The following STIMATE variants were observed in gnomAD, a reference collection of about 807,000 sequenced individuals.
STIMATE encodes store-operated calcium entry regulator STIMATE.
In STIMATE, 15 loss-of-function variants were observed where a neutral mutation model predicts 36.7. The observed-to-expected ratio is 0.41, with a 90% CI of 0.27 to 0.63. The LOEUF (loss-of-function observed/expected upper bound fraction) is 0.63, where lower values mean the gene tolerates loss of function less well. STIMATE is among the 20% of genes least tolerant of loss of function. The pLI is 0.32. For missense variants in STIMATE, 305 were observed against 397.3 expected (o/e 0.77, Z 1.98); for synonymous variants, 163 against 162.3 (o/e 1.00, Z -0.03).
At chr3:52,859,532 T>A (rs13078060) in intron 1 of STIMATE, among the ~76,000 whole-genome samples, 29 of 3,702 alleles carry the variant, frequency 7.8e-3, no homozygotes, top group Non-Finnish European at 0.025. Context: ...AAAAAAAAAA[T>A]TTTTTTTTTT....
At position 52,897,520 on chromosome 3, in the gene STIMATE, G is replaced by T; in HGVS notation, c.-70C>A. On this transcript the variant is annotated 5_prime_UTR_variant, in exon 1 of 8. Transcript: ENST00000355083. ...CCTCGCTGCCTGCCGGCGCAGCGCC[G>T]CCAAACCCGCAGCCGGGATCCCAAG... The T allele has an allele frequency of 2.5e-6, 3 of 1,186,162 alleles. No homozygotes were observed. Among genetic ancestry groups the T allele is most frequent in the East Asian group, 3.7e-5 (1 of 26,908 alleles). 73.5% of individuals were successfully genotyped at this position (1,186,162 alleles called of 1,614,324 possible). A position where few individuals can be genotyped will look rare whatever the true frequency, so the allele number is the denominator to read the frequency against.
At chr3:52,852,735 C>A in intron 2 of STIMATE, 37 bp from the exon 3 acceptor site, 2 of 1,608,198 alleles carry the variant, frequency 1.2e-6, no homozygotes, top group Non-Finnish European at 1.7e-6. Flanking sequence ...ATTAGCCTGA[C>A]AGGAGCGCAA....
Position 52,881,126 on chromosome 3 carries a change from G to A in STIMATE, c.160+16165C>T, listed in dbSNP as rs564319845. ...CACTTGAACCCAGGAGGCAGAGATT[G>A]CAGTGAGCCAAAGGTTGCAGTGAGC... is the stretch of plus-strand genomic sequence containing the variant. On this transcript the variant is annotated intron_variant, in intron 1 of 7. Coordinates refer to ENST00000355083, the MANE Select transcript of STIMATE (RefSeq NM_198563.5). Among the ~76,000 whole-genome samples the A allele has an allele frequency of 5.3e-5, 8 of 151,720 alleles. No homozygotes were observed. The East Asian group carries it at 5.9e-4, about 11-fold the overall frequency.
chr3:52,876,836 A>T (rs933922563), intron 1 of STIMATE, among the ~76,000 whole-genome samples: 2 of 152,146 alleles, frequency 1.3e-5, no homozygotes, highest in South Asian at 2.1e-4. Context: ...GTTTTTGGGG[A>T]GTCAGAAGTT....
In STIMATE at chr3:52,842,862, C is replaced by T. The variant is rs760889218; in HGVS notation, c.717G>A (p.Gly239=). 3 of 1,614,154 alleles carry T rather than the reference C, an allele frequency of 1.9e-6. No homozygotes were observed. The highest frequency in any genetic ancestry group is 2.7e-5 in the African/African-American group (2 of 74,948). The part of the protein sequence containing the change: ...ERGANQDSRN[G]SKVRYRRAAS... ...CGGCCCTCCGGTAGCGGACCTTGCT[C>T]CCATTCCTCGAGTCCTGGTTGGCTC... is the stretch of plus-strand genomic sequence containing the variant. The change falls in exon 7 of 8, where the codon GGG becomes GGA. Residue 239 remains glycine (G), a synonymous_variant. Transcript: ENST00000355083.
intron 1 of STIMATE, among the ~76,000 whole-genome samples, chr3:52,891,131 T>C (rs1456533094): frequency 6.6e-6 from 1 of 151,766 alleles, no homozygotes; most frequent in Admixed American, 6.6e-5. Flanking sequence ...ATTGTTCAGA[T>C]AGAAAAAAAA....
In STIMATE at chr3:52,839,969, T is replaced by C. The variant is rs1250853786; in HGVS notation, c.*525A>G. The stretch of plus-strand genomic sequence containing the variant: ...ACACATACCCCCAACCTGGTAACAC[T>C]GTCACAACTCATAAAACCAGCTTCA... On this transcript the variant is annotated 3_prime_UTR_variant, in exon 8 of 8. Transcript: ENST00000355083. The C allele has an allele frequency of 6.6e-6, 1 of 152,636 alleles. No homozygotes were observed. Among genetic ancestry groups the C allele is most frequent in the African/African-American group, 2.4e-5 (1 of 41,452 alleles). The allele number at this position is 152,636 out of a possible 1,614,324, so 9.5% of individuals were successfully genotyped here.
intron 1 of STIMATE, among the ~76,000 whole-genome samples, chr3:52,881,381 G>A (rs758535628): frequency 2.0e-4 from 31 of 152,166 alleles, no homozygotes; most frequent in Non-Finnish European, 3.8e-4. Flanking sequence ...CAGGTTTGCT[G>A]GTATCTGAGC....
At chr3:52,846,527 G>A (rs4687672) in intron 4 of STIMATE, 37,992 of 152,152 alleles carry the variant, frequency 0.25, 5,021 homozygotes, top group Admixed American at 0.38. Context: ...AAGGATGTCC[G>A]CTCGCTCAGT....
chr3:52,896,309 C>A (rs1383631863), intron 1 of STIMATE, among the ~76,000 whole-genome samples: 2 of 152,216 alleles, frequency 1.3e-5, no homozygotes, highest in African/African-American at 2.4e-5. Flanking sequence ...GTTTTGAGAA[C>A]AAGTCATTTT....
chr3:52,849,866 A>G lies in STIMATE; in HGVS notation c.353T>C (p.Ile118Thr). 6.2e-7 allele frequency: 1 copy of G among 1,613,942 alleles called. No homozygotes were observed. The highest frequency in any genetic ancestry group is 8.5e-7 in the Non-Finnish European group (1 of 1,180,022). ...LLDATVGMLL[I>T]YVGVRAVSVL... is the part of the protein sequence containing the mutation. ...GCTGACGGCGCGCACCCCCACGTAGATGAGCAGCATGCCCACAGTGGCGTC... is the reference window on the plus strand; with the variant it reads ...GCTGACGGCGCGCACCCCCACGTAGGTGAGCAGCATGCCCACAGTGGCGTC... The change falls in exon 4 of 8, where the codon ATC becomes ACC. Residue 118 changes from isoleucine (I) to threonine (T), a missense_variant. By Grantham distance (89) the Ile-to-Thr change is moderately conservative. Around this residue, in one of 3 missense-constraint regions of STIMATE, gnomAD observed 164 missense variants for 257.9 expected, o/e 0.64. Transcript: ENST00000355083.
In STIMATE at chr3:52,891,587, T is replaced by C. The variant is rs1324405267; in HGVS notation, c.160+5704A>G. 1.8e-4 allele frequency among the ~76,000 whole-genome samples: 27 copies of C among 152,154 alleles called. 1 individual carries two copies. Reference sequence around the variant, plus strand: ...CAAGAAAGATTAGGTCAAGGAAGATTATTTTGGCCACGAAAGCCACCTTGT... The same window carrying C: ...CAAGAAAGATTAGGTCAAGGAAGATCATTTTGGCCACGAAAGCCACCTTGT... On this transcript the variant is annotated intron_variant, in intron 1 of 7. Transcript: ENST00000355083.
intron 1 of STIMATE, among the ~76,000 whole-genome samples, chr3:52,893,099 G>C (rs1379890435): frequency 4.0e-5 from 6 of 151,280 alleles, no homozygotes; most frequent in Non-Finnish European, 8.8e-5. Flanking sequence ...TTCTAGAAAC[G>C]AAAGTGACTG....
intron 4 of STIMATE, chr3:52,847,657 G>T (rs1559489822): frequency 1.1e-6 from 1 of 884,964 alleles, no homozygotes; most frequent in Non-Finnish European, 1.6e-6. Context: ...GATAACAGGT[G>T]TGGGAGGTGG....
chr3:52,871,441 G>A (rs1238160054), intron 1 of STIMATE, among the ~76,000 whole-genome samples: 11 of 152,182 alleles, frequency 7.2e-5, no homozygotes, highest in Admixed American at 6.5e-4. Context: ...ATCTTAGTGG[G>A]AGTTAGCCAG....
At chr3:52,874,520 A>G (rs528639974) in intron 1 of STIMATE, among the ~76,000 whole-genome samples, 7 of 152,334 alleles carry the variant, frequency 4.6e-5, no homozygotes, top group African/African-American at 1.7e-4. Flanking sequence ...ATGTCTTTTC[A>G]TAATGTTTTA....
At chr3:52,892,415 C>A (rs1336734502) in intron 1 of STIMATE, among the ~76,000 whole-genome samples, 1 of 152,188 alleles carries the variant, frequency 6.6e-6, no homozygotes, top group Non-Finnish European at 1.5e-5. Context: ...AAAATGAAAG[C>A]TCTGAGCCAG....
intron 2 of STIMATE, 40 bp from the exon 3 acceptor site, chr3:52,852,738 G>C: frequency 6.2e-7 from 1 of 1,606,478 alleles, no homozygotes; most frequent in Non-Finnish European, 8.5e-7. Context: ...AGCCTGACAG[G>C]AGCGCAATAT....
At chr3:52,873,278 A>G (rs1368746779) in intron 1 of STIMATE, among the ~76,000 whole-genome samples, 1 of 152,230 alleles carries the variant, frequency 6.6e-6, no homozygotes, top group Admixed American at 6.5e-5. Context: ...TGTGTGTTCC[A>G]TGGGGGATTC....
Sources: allele counts gnomAD v4.1 joint callset (sites outside exome capture counted in the v4.1 genomes callset), GRCh38; gene constraint gnomAD v4.1.1; regional missense constraint gnomAD v4.1.1; transcripts MANE v1.5; gene names NCBI Gene and HGNC (gene_info 2026-07-23, HGNC 2026-07-21).